Variants in PTPRD observed in about 807,000 individuals in gnomAD.
PTPRD encodes protein tyrosine phosphatase receptor type D, also known as receptor-type tyrosine-protein phosphatase delta.
A neutral mutation model predicts 214.5 loss-of-function variants in PTPRD; 34 were observed. That is an observed-to-expected ratio of 0.16 (90% confidence interval 0.12 to 0.21). PTPRD has a LOEUF of 0.21. Ranked by LOEUF, PTPRD falls within the 10% of genes least tolerant of loss-of-function variation. The probability of loss-of-function intolerance (pLI) is 1.00; values close to 1 mark genes in which losing one functional copy is unlikely to be tolerated. For missense variants in PTPRD, 2,545 were observed against 2,398.7 expected (o/e 1.06, Z -1.27); for synonymous variants, 1,128 against 845.7 (o/e 1.33, Z -5.79).
chr9:8,636,883 T>A (rs757039410), intron 12 of PTPRD, 39 bp from the exon 13 acceptor site: 1 of 1,602,010 alleles, frequency 6.2e-7, no homozygotes, highest in Non-Finnish European at 8.5e-7. Flanking sequence ...AATTGAAAAC[T>A]GAAATACAGA....
chr9:8,395,703 C>G (rs753316146), intron 36 of PTPRD, among the ~76,000 whole-genome samples: 2 of 151,864 alleles, frequency 1.3e-5, no homozygotes, highest in African/African-American at 2.4e-5. Context: ...AATGGAGAAA[C>G]AGATGATATT....
chr9:9,976,060 T>C (rs2095340134), intron 4 of PTPRD, among the ~76,000 whole-genome samples: 1 of 152,124 alleles, frequency 6.6e-6, no homozygotes, highest in South Asian at 2.1e-4. Context: ...TTCCGAAAGG[T>C]CAATGAAGAC....
chr9:10,152,688 G>T (rs2099068770), intron 3 of PTPRD, among the ~76,000 whole-genome samples: 1 of 152,264 alleles, frequency 6.6e-6, no homozygotes, highest in East Asian at 1.9e-4. Context: ...AGCTGGGCGT[G>T]GTGGCACACG....
intron 2 of PTPRD, among the ~76,000 whole-genome samples, chr9:10,473,056 A>T (rs2099041287): frequency 6.6e-6 from 1 of 152,052 alleles, no homozygotes; most frequent in Non-Finnish European, 1.5e-5. Context: ...ATATGACCAA[A>T]TTAAATTTTA....
At chr9:9,873,431 A>G (rs2066010201) in intron 5 of PTPRD, among the ~76,000 whole-genome samples, 1 of 152,122 alleles carries the variant, frequency 6.6e-6, no homozygotes, top group South Asian at 2.1e-4. Flanking sequence ...TTATCCAGAA[A>G]CTCATAAGCT....
rs190603510 is a variant in PTPRD at position 8,729,066 on chromosome 9, C to T, written c.64+4714G>A. Among the ~76,000 whole-genome samples the T allele has an allele frequency of 1.8e-3, 273 of 152,296 alleles. No individual in the cohort carries two copies. In the Middle Eastern group the frequency reaches 0.024, roughly 13 times the overall value. On this transcript the variant is annotated intron_variant, in intron 12 of 45. Transcript: ENST00000381196. ...ACTCTCTTTCTCACCAAGCTCACCC[C>T]CTACCTTCAGCTTTCTGAAGAGGCA...
chr9:9,901,024 G>T (rs749351158), intron 5 of PTPRD, among the ~76,000 whole-genome samples: 7 of 152,154 alleles, frequency 4.6e-5, no homozygotes, highest in Non-Finnish European at 8.8e-5. Context: ...TTATTTGTCT[G>T]ACAGTTCTGC....
intron 11 of PTPRD, among the ~76,000 whole-genome samples, chr9:8,966,716 G>A (rs569087803): frequency 6.6e-6 from 1 of 151,992 alleles, no homozygotes; most frequent in South Asian, 2.1e-4. Flanking sequence ...TTATTACTAA[G>A]TCCTCAAAAA....
intron 2 of PTPRD, among the ~76,000 whole-genome samples, chr9:10,493,202 C>T (rs1046792293): frequency 6.6e-6 from 1 of 151,904 alleles, no homozygotes; most frequent in Non-Finnish European, 1.5e-5. Flanking sequence ...CAATGCTATC[C>T]CCATCAAGCT....
chr9:9,612,735 T>C (rs1038526270), intron 7 of PTPRD, among the ~76,000 whole-genome samples: 1 of 152,050 alleles, frequency 6.6e-6, no homozygotes, highest in Non-Finnish European at 1.5e-5. Context: ...AAAAAGGAGA[T>C]ACATAATTCT....
chr9:8,523,640 A>G (rs2097937080), intron 18 of PTPRD, 116 bp from the exon 19 acceptor site: 1 of 1,082,500 alleles, frequency 9.2e-7, no homozygotes, highest in Non-Finnish European at 1.4e-6. Flanking sequence ...CTACTTGAAC[A>G]TCTTTATTCG....
intron 2 of PTPRD, among the ~76,000 whole-genome samples, chr9:10,516,204 G>A (rs1318188695): frequency 6.6e-6 from 1 of 151,372 alleles, no homozygotes. Context: ...AGCGTTCAAG[G>A]GTTCCAATTT....
intron 8 of PTPRD, among the ~76,000 whole-genome samples, chr9:9,495,438 C>T (rs184490813): frequency 6.6e-6 from 1 of 151,992 alleles, no homozygotes; most frequent in Non-Finnish European, 1.5e-5. Flanking sequence ...TGAATAATGC[C>T]TTTTTACCAA....
chr9:10,584,360 A>T (rs1243041030), intron 2 of PTPRD, among the ~76,000 whole-genome samples: 1 of 152,156 alleles, frequency 6.6e-6, no homozygotes, highest in Non-Finnish European at 1.5e-5. Flanking sequence ...GATAAACAGA[A>T]TTATTTCTGA....
At chr9:9,980,002 G>A (rs2095486119) in intron 4 of PTPRD, among the ~76,000 whole-genome samples, 1 of 152,030 alleles carries the variant, frequency 6.6e-6, no homozygotes, top group Admixed American at 6.6e-5. Context: ...ACATGTGAGA[G>A]GAGAATTATA....
At chr9:8,400,620 C>A (rs1361209284) in intron 36 of PTPRD, among the ~76,000 whole-genome samples, 1 of 152,138 alleles carries the variant, frequency 6.6e-6, no homozygotes, top group Non-Finnish European at 1.5e-5. Flanking sequence ...CAGACACTGT[C>A]ACATCCTGCA....
chr9:9,799,132 T>C (rs901278985), intron 5 of PTPRD, among the ~76,000 whole-genome samples: 1 of 152,170 alleles, frequency 6.6e-6, no homozygotes, highest in Non-Finnish European at 1.5e-5. Flanking sequence ...CTCCAATTTA[T>C]ATATTTTAAA....
rs1038582855 is a variant in PTPRD at position 9,367,920 on chromosome 9, C to CTACTAGCA, written c.-203+29521_-203+29528dup. Among the ~76,000 whole-genome samples, 42 of 151,808 alleles carry CTACTAGCA rather than the reference C, an allele frequency of 2.8e-4. 2 individuals are homozygous for CTACTAGCA. In the Middle Eastern group the frequency reaches 0.031, roughly 111 times the overall value. On this transcript the variant is annotated intron_variant, in intron 9 of 45. Coordinates refer to ENST00000381196, the MANE Select transcript of PTPRD (RefSeq NM_002839.4). Reference sequence around the variant, plus strand: ...TTCCAAACCCTGTCATAAGGGAGAGCTACTAGCACACATGAGTGCCCAATA... The same window carrying CTACTAGCA: ...TTCCAAACCCTGTCATAAGGGAGAGCTACTAGCATACTAGCACACATGAGTGCCCAATA...
chr9:9,113,304 A>G (rs577061035), intron 10 of PTPRD, among the ~76,000 whole-genome samples: 17 of 152,096 alleles, frequency 1.1e-4, no homozygotes, highest in Admixed American at 9.8e-4. Context: ...GAAATTATCT[A>G]TTGCATCCAT....
Sources: gnomAD v4.1 joint callset for allele counts (sites outside exome capture counted in the v4.1 genomes callset) on GRCh38, gnomAD v4.1.1 for gene constraint, MANE v1.5 for transcripts, NCBI Gene and HGNC (gene_info 2026-07-23, HGNC 2026-07-21) for gene names.